The following CAMTA1 variants were observed in gnomAD, a reference collection of about 807,000 sequenced individuals.
CAMTA1 encodes calmodulin binding transcription activator 1, also known as calmodulin-binding transcription activator 1.
A neutral mutation model predicts 170.9 loss-of-function variants in CAMTA1; 27 were observed. That is an observed-to-expected ratio of 0.16 (90% CI 0.12 to 0.22). The LOEUF (loss-of-function observed/expected upper bound fraction) is 0.22. CAMTA1 is among the 10% of genes least tolerant of loss of function. The pLI is 1.00. For synonymous variants in CAMTA1, 833 were observed against 891.5 expected (o/e 0.93, Z 1.17); for missense variants, 1,619 against 2,217.2 (o/e 0.73, Z 5.42).
At chr1:7,606,953 A>G (rs2095490755) in intron 6 of CAMTA1, among the ~76,000 whole-genome samples, 1 of 152,250 alleles carries the variant, frequency 6.6e-6, no homozygotes, top group African/African-American at 2.4e-5. Context: ...TGTCTGCCTC[A>G]GCACCAGGAG....
At chr1:7,668,606 G>A (rs2096025215) in intron 9 of CAMTA1, among the ~76,000 whole-genome samples, 1 of 152,000 alleles carries the variant, frequency 6.6e-6, no homozygotes, top group Non-Finnish European at 1.5e-5. Flanking sequence ...TGCAGCAGCA[G>A]AAGAGCCTGC....
At chr1:7,722,414 G>C (rs1577188907) in intron 11 of CAMTA1, among the ~76,000 whole-genome samples, 1 of 152,124 alleles carries the variant, frequency 6.6e-6, no homozygotes, top group Non-Finnish European at 1.5e-5. Flanking sequence ...GGATGGGGTC[G>C]ACCCAGCAAA....
At chr1:7,383,606 T>TTGTTCTAACATA (rs1435125413) in intron 5 of CAMTA1, among the ~76,000 whole-genome samples, 5 of 152,038 alleles carry the variant, frequency 3.3e-5, no homozygotes, top group African/African-American at 1.2e-4. Flanking sequence ...GGGCACAGAG[T>TTGTTCTAACATA]GAGCTCCATG....
chr1:7,279,445 A>G (rs1334687090), intron 5 of CAMTA1, among the ~76,000 whole-genome samples: 1 of 152,048 alleles, frequency 6.6e-6, no homozygotes, highest in Non-Finnish European at 1.5e-5. Flanking sequence ...CGGGTCTTGG[A>G]GCAGGGAAGC....
chr1:6,913,043 G>A (rs576515470), intron 3 of CAMTA1, among the ~76,000 whole-genome samples: 1 of 152,302 alleles, frequency 6.6e-6, no homozygotes, highest in African/African-American at 2.4e-5. Flanking sequence ...TCAGCATGCC[G>A]TGACCTTGAG....
intron 5 of CAMTA1, among the ~76,000 whole-genome samples, chr1:7,452,809 G>C (rs1348814936): frequency 6.6e-6 from 1 of 152,182 alleles, no homozygotes; most frequent in African/African-American, 2.4e-5. Context: ...TGTGAAGTGT[G>C]CCACTGTAGA....
At chr1:7,292,981 G>C (rs1452276071) in intron 5 of CAMTA1, among the ~76,000 whole-genome samples, 1 of 152,128 alleles carries the variant, frequency 6.6e-6, no homozygotes, top group Admixed American at 6.5e-5. Flanking sequence ...TCTCTGGGAA[G>C]GCATGTCCTC....
At chr1:7,651,886 C>T (rs997561681) in intron 7 of CAMTA1, among the ~76,000 whole-genome samples, 2 of 152,228 alleles carry the variant, frequency 1.3e-5, no homozygotes, top group African/African-American at 2.4e-5. Context: ...TCTAAATTCT[C>T]GCCTCTTCTT....
intron 5 of CAMTA1, among the ~76,000 whole-genome samples, chr1:7,417,756 TCA>T (rs1286686065): frequency 6.6e-6 from 1 of 152,156 alleles, no homozygotes; most frequent in African/African-American, 2.4e-5. Flanking sequence ...GTGCTTCGGC[TCA>T]CACACAGTGT....
chr1:6,912,961 G>A (rs570295438), intron 3 of CAMTA1, among the ~76,000 whole-genome samples: 7 of 152,236 alleles, frequency 4.6e-5, no homozygotes, highest in Non-Finnish European at 7.4e-5. Context: ...GAACTCCAGC[G>A]CCCAGCGTGG....
At chr1:7,369,885 GTAAGGT>G (rs1297095492) in intron 5 of CAMTA1, among the ~76,000 whole-genome samples, 1 of 152,146 alleles carries the variant, frequency 6.6e-6, no homozygotes, top group Non-Finnish European at 1.5e-5. Flanking sequence ...CTCTCTGTGG[GTAAGGT>G]TAATTCTTGA....
intron 3 of CAMTA1, among the ~76,000 whole-genome samples, chr1:7,066,626 C>G (rs949723059): frequency 1.3e-5 from 2 of 152,212 alleles, no homozygotes; most frequent in Non-Finnish European, 1.5e-5. Flanking sequence ...TTGAAGCTGA[C>G]TCCTTGCTTA....
chr1:6,999,847 T>G (rs1697945376), intron 3 of CAMTA1, among the ~76,000 whole-genome samples: 1 of 152,114 alleles, frequency 6.6e-6, no homozygotes, highest in Admixed American at 6.6e-5. Flanking sequence ...GAGAATACGT[T>G]GGTGATAAAA....
At chr1:7,572,982 C>T (rs943751826) in intron 6 of CAMTA1, among the ~76,000 whole-genome samples, 1 of 152,210 alleles carries the variant, frequency 6.6e-6, no homozygotes, top group Admixed American at 6.5e-5. Context: ...GCAGCCGGCG[C>T]CTGAACTCAC....
chr1:7,480,608 T>C (rs2478278), intron 6 of CAMTA1, among the ~76,000 whole-genome samples: 100,473 of 151,856 alleles, frequency 0.66, 34,433 homozygotes, highest in African/African-American at 0.84. Context: ...CAGCAGCACC[T>C]CTTCAGGCGG....
At chr1:7,524,702 G>A (rs531854936) in intron 6 of CAMTA1, among the ~76,000 whole-genome samples, 5 of 152,134 alleles carry the variant, frequency 3.3e-5, no homozygotes, top group Non-Finnish European at 7.4e-5. Context: ...TGCTGCCCCT[G>A]AAATCAGAAA....
intron 5 of CAMTA1, among the ~76,000 whole-genome samples, chr1:7,320,148 G>A (rs148234353): frequency 2.0e-5 from 3 of 152,234 alleles, no homozygotes; most frequent in East Asian, 1.9e-4. Flanking sequence ...TCAAGTAGAC[G>A]TGGTAAGGTG....
intron 11 of CAMTA1, among the ~76,000 whole-genome samples, chr1:7,678,890 T>C (rs778867504): frequency 5.9e-5 from 9 of 152,206 alleles, no homozygotes; most frequent in Non-Finnish European, 1.0e-4. Context: ...CTGGAGGATT[T>C]CTGGGCTTGG....
At chr1:7,267,194 G>GT (rs1669066219) in intron 5 of CAMTA1, among the ~76,000 whole-genome samples, 1 of 152,154 alleles carries the variant, frequency 6.6e-6, no homozygotes, top group Admixed American at 6.5e-5. Context: ...AGAGATCCCA[G>GT]TTTTTTTCCC....
Sources: gnomAD v4.1 joint callset for allele counts (sites outside exome capture counted in the v4.1 genomes callset) on GRCh38, gnomAD v4.1.1 for gene constraint, MANE v1.5 for transcripts, NCBI Gene and HGNC (gene_info 2026-07-23, HGNC 2026-07-21) for gene names.